YARS2: variants seen among roughly 807,000 people sequenced by gnomAD.
The protein encoded by YARS2 is tyrosine--tRNA ligase, mitochondrial.
In YARS2, 38 loss-of-function variants were observed where a neutral mutation model predicts 45.0. The ratio of observed to expected loss-of-function variants is 0.84; its 90% CI spans 0.65 to 1.11. The LOEUF (loss-of-function observed/expected upper bound fraction) is 1.11. YARS2 is among the 50% of genes least tolerant of loss of function. The pLI is 0.00. For missense variants in YARS2, 602 were observed against 599.8 expected (o/e 1.00, Z -0.04); for synonymous variants, 287 against 245.1 (o/e 1.17, Z -1.60).
chr12:32,747,308 G>A lies in YARS2; in HGVS notation c.1330C>T (p.Pro444Ser). ...VSINHQQVTN[P>S]ESVLIVGQHI... is the part of the protein sequence containing the mutation. ...TGTCCAACAATTAAAACACTCTCAG[G>A]ATTTGTTACTTGTTGGTGATTTATG... Residue 444 changes from proline to serine, a missense_variant, in exon 5 of 5, where the codon CCT becomes TCT. By Grantham distance (74) the Pro-to-Ser change is moderately conservative. Coordinates refer to ENST00000324868, the MANE Select transcript of YARS2 (RefSeq NM_001040436.3). The A allele has an allele frequency of 1.2e-6, 2 of 1,614,058 alleles. No individual in the cohort carries two copies. The highest frequency in any genetic ancestry group is 1.7e-6 in the Non-Finnish European group (2 of 1,179,978).
Position 32,750,218 on chromosome 12 carries a change from T to G in YARS2, c.1104-111A>C. The stretch of plus-strand genomic sequence containing the variant: ...CAAGTTCTAGACTAAAAGTTTTTTT[T>G]TGAGATGGAGTCTCGCTCTGTTGCC... On this transcript the variant is annotated intron_variant, in intron 3 of 4. Coordinates refer to ENST00000324868, the MANE Select transcript of YARS2 (RefSeq NM_001040436.3). 3.0e-6 allele frequency: 4 copies of G among 1,329,282 alleles called. No homozygotes were observed. In the South Asian group the frequency reaches 5.2e-5, roughly 17 times the overall value. 82.3% of individuals were successfully genotyped at this position (1,329,282 alleles called of 1,614,324 possible).
chr12:32,754,361 T>G (rs554852010), intron 1 of YARS2, among the ~76,000 whole-genome samples: 1 of 152,282 alleles, frequency 6.6e-6, no homozygotes, highest in Admixed American at 6.5e-5. Context: ...AGGAGAAAAC[T>G]GGGTGAAGGG....
chr12:32,754,179 C>A, intron 1 of YARS2, 94 bp from the exon 2 acceptor site: 1 of 1,466,536 alleles, frequency 6.8e-7, no homozygotes, highest in South Asian at 1.1e-5. Context: ...GTTACTTGCT[C>A]CAGGAAAACT....
chr12:32,748,298 C>T (rs1565556581), intron 4 of YARS2, among the ~76,000 whole-genome samples: 1 of 152,104 alleles, frequency 6.6e-6, no homozygotes, highest in South Asian at 2.1e-4. Flanking sequence ...TGTGAGCCAC[C>T]ATACCTGGCC....
At chr12:32,753,854 A>G in intron 2 of YARS2, 64 bp downstream of exon 2, 1 of 1,596,826 alleles carries the variant, frequency 6.3e-7, no homozygotes, top group Non-Finnish European at 8.6e-7. Flanking sequence ...CATAGATTCA[A>G]TGGCTAAAAT....
rs774750802 is a variant in YARS2, at chr12:32,755,554, GT to G, written c.320del (p.Asn107ThrfsTer2). 4 of 1,613,684 alleles carry G rather than the reference GT, an allele frequency of 2.5e-6. No individual in the cohort carries two copies. In the Admixed American group the frequency reaches 6.7e-5, roughly 27 times the overall value. Reference protein sequence around the residue: ...GLFHLQRAGHNVIALVGGATA... With the variant: ...GLFHLQRAGHXVIALVGGATA... ...TGGCGCCTCCCACCAGCGCGATCAC[GT>G]TGTGGCCCGCTCGCTGCAAATGAAA... On this transcript the variant is annotated frameshift_variant, in exon 1 of 5. Coordinates refer to ENST00000324868, the MANE Select transcript of YARS2 (RefSeq NM_001040436.3). LOFTEE classifies it high-confidence loss of function.
In YARS2 at chr12:32,755,337, GCTT is replaced by G; in HGVS notation, c.535_537del (p.Lys179del). Reference sequence around the variant, plus strand: ...GCCGCCAGGAAGTCCACCAGGTGCTGCTTCTGGTACCAGGCCGAGTTGTCCAGC... The same window carrying G: ...GCCGCCAGGAAGTCCACCAGGTGCTGCTGGTACCAGGCCGAGTTGTCCAGC... On this transcript the variant is annotated inframe_deletion, in exon 1 of 5. Transcript: ENST00000324868. 2 of 1,614,128 alleles carry G rather than the reference GCTT, an allele frequency of 1.2e-6. No individual in the cohort carries two copies. Among genetic ancestry groups the G allele is most frequent in the Non-Finnish European group, 1.7e-6 (2 of 1,180,038 alleles).
At chr12:32,754,171 T>TA in intron 1 of YARS2, 86 bp from the exon 2 acceptor site, 1 of 1,532,208 alleles carries the variant, frequency 6.5e-7, no homozygotes, top group African/African-American at 1.4e-5. Flanking sequence ...TCTTTCTGGT[T>TA]ACTTGCTCCA....
chr12:32,747,137 C>T lies in YARS2; in HGVS notation c.*67G>A, dbSNP rs1955654649. 6.4e-7 allele frequency: 1 copy of T among 1,559,818 alleles called. No individual in the cohort carries two copies. The highest frequency in any genetic ancestry group is 8.8e-7 in the Non-Finnish European group (1 of 1,136,816). ...TAAGCAAAGGTCTAAGTTCTGGAGCCAACCCTTCAGAGGTCTTGAGAATGA... is the reference window on the plus strand; with the variant it reads ...TAAGCAAAGGTCTAAGTTCTGGAGCTAACCCTTCAGAGGTCTTGAGAATGA... On this transcript the variant is annotated 3_prime_UTR_variant, in exon 5 of 5. Transcript: ENST00000324868.
At chr12:32,750,169 C>A in intron 3 of YARS2, 62 bp from the exon 4 acceptor site, 1 of 1,593,594 alleles carries the variant, frequency 6.3e-7, no homozygotes. Flanking sequence ...TGTTCTAATA[C>A]CCATTAACCA....
At chr12:32,750,666 T>C (rs1449108929) in intron 3 of YARS2, 53 bp downstream of exon 3, 4 of 1,606,336 alleles carry the variant, frequency 2.5e-6, no homozygotes, top group Non-Finnish European at 2.5e-6. Context: ...ACTTTTCTCA[T>C]GTCTATCCAC....
chr12:32,748,845 T>C (rs1444225357), intron 4 of YARS2, among the ~76,000 whole-genome samples: 3 of 152,250 alleles, frequency 2.0e-5, no homozygotes, highest in Non-Finnish European at 4.4e-5. Context: ...GGCCATGATA[T>C]GGCCGATAAC....
At chr12:32,747,887 AAAAG>A (rs1281376579) in intron 4 of YARS2, among the ~76,000 whole-genome samples, 10 of 152,126 alleles carry the variant, frequency 6.6e-5, no homozygotes, top group African/African-American at 1.2e-4. Flanking sequence ...TCAAGAAAAA[AAAAG>A]AAAGACCTAG....
At chr12:32,754,110 A>G in intron 1 of YARS2, 25 bp from the exon 2 acceptor site, 1 of 1,614,002 alleles carries the variant, frequency 6.2e-7, no homozygotes, top group Non-Finnish European at 8.5e-7. Context: ...CAATTTCATT[A>G]TGTGCCTCAA....
chr12:32,748,391 C>T (rs191668145), intron 4 of YARS2, among the ~76,000 whole-genome samples: 44 of 152,072 alleles, frequency 2.9e-4, no homozygotes, highest in Non-Finnish European at 5.1e-4. Flanking sequence ...TATTATTTTA[C>T]GCTGTCTGCT....
intron 2 of YARS2, 73 bp downstream of exon 2, chr12:32,753,845 A>G (rs1490788350): frequency 1.9e-6 from 3 of 1,585,042 alleles, no homozygotes; most frequent in Non-Finnish European, 2.6e-6. Context: ...TAAAATGTAC[A>G]TAGATTCAAT....
chr12:32,753,496 A>T (rs1264852981), intron 2 of YARS2, among the ~76,000 whole-genome samples: 1 of 152,116 alleles, frequency 6.6e-6, no homozygotes, highest in Non-Finnish European at 1.5e-5. Flanking sequence ...GTTTCTCATT[A>T]ATTCATATTC....
Position 32,755,757 on chromosome 12 carries a change from C to T in YARS2, c.118G>A (p.Ala40Thr), listed in dbSNP as rs1203981229. Reference sequence around the variant, plus strand: ...AACAGACCTCGAGCCTTCTGCGCTGCCAGTAACCCCTGAGCGCCCGAGTGG... The same window carrying T: ...AACAGACCTCGAGCCTTCTGCGCTGTCAGTAACCCCTGAGCGCCCGAGTGG... ...KAHSGAQGLL[A>T]AQKARGLFKD... The change falls in exon 1 of 5, where the codon GCA (alanine) becomes ACA (threonine). Residue 40 changes from alanine (A) to threonine (T), a missense_variant. Transcript: ENST00000324868. The T allele has an allele frequency of 6.2e-7, 1 of 1,614,032 alleles. No individual in the cohort carries two copies. Among genetic ancestry groups the T allele is most frequent in the East Asian group, 2.2e-5 (1 of 44,882 alleles).
Position 32,747,324 on chromosome 12 carries a change from G to T in YARS2, c.1314C>A (p.His438Gln). Residue 438 changes from histidine to glutamine, a missense_variant, in exon 5 of 5, where the codon CAC (histidine) becomes CAA (glutamine). By Grantham distance (24) the His-to-Gln change is conservative (BLOSUM62 0). Transcript: ENST00000324868. ...MITEGGVSINHQQVTNPESVL... is the reference protein window; with the variant it reads ...MITEGGVSINQQQVTNPESVL... Reference sequence around the variant, plus strand: ...CACTCTCAGGATTTGTTACTTGTTGGTGATTTATGCTGACTCCGCCTTCTG... The same window carrying T: ...CACTCTCAGGATTTGTTACTTGTTGTTGATTTATGCTGACTCCGCCTTCTG... The T allele has an allele frequency of 6.2e-7, 1 of 1,614,124 alleles. No homozygotes were observed. Among genetic ancestry groups the T allele is most frequent in the Non-Finnish European group, 8.5e-7 (1 of 1,180,022 alleles).
Sources: allele counts gnomAD v4.1 joint callset (sites outside exome capture counted in the v4.1 genomes callset), GRCh38; gene constraint gnomAD v4.1.1; transcripts MANE v1.5; gene names NCBI Gene and HGNC (gene_info 2026-07-23, HGNC 2026-07-21).